Variants in DCC observed in about 807,000 individuals in gnomAD.
The protein encoded by DCC is netrin receptor DCC.
DCC carries 58 observed loss-of-function variants against 172.5 expected under a neutral mutation model. The observed-to-expected ratio is 0.34, with a 90% CI of 0.27 to 0.42. The LOEUF is 0.42. DCC is among the 10% of genes least tolerant of loss of function. The pLI is 1.00. For synonymous variants in DCC, 709 were observed against 644.5 expected, an observed-to-expected ratio of 1.10 and a Z score of -1.52; for missense variants, 1,740 against 1,791.0, an observed-to-expected ratio of 0.97 and a Z score of 0.51.
chr18:52,394,870 G>C (rs1192062815), intron 1 of DCC, among the ~76,000 whole-genome samples: 1 of 152,052 alleles, frequency 6.6e-6, no homozygotes, highest in Non-Finnish European at 1.5e-5. Flanking sequence ...TGCAAGGAAG[G>C]TTTATCTGAA....
intron 5 of DCC, among the ~76,000 whole-genome samples, chr18:52,963,220 T>A (rs200429954): frequency 1.7e-3 from 252 of 152,064 alleles, no homozygotes; most frequent in African/African-American, 4.4e-3. Flanking sequence ...TAGATTTTTT[T>A]AAAAATTTTT....
chr18:52,890,509 A>T (rs993717634), intron 2 of DCC, among the ~76,000 whole-genome samples: 1 of 152,116 alleles, frequency 6.6e-6, no homozygotes, highest in Non-Finnish European at 1.5e-5. Flanking sequence ...GAAAATATTG[A>T]TGTGTTATGA....
intron 2 of DCC, among the ~76,000 whole-genome samples, chr18:52,842,104 T>A (rs561197449): frequency 6.6e-6 from 1 of 152,300 alleles, no homozygotes; most frequent in South Asian, 2.1e-4. Flanking sequence ...AATCAAATTA[T>A]CAAAACTTAT....
At chr18:52,950,294 G>C (rs542002997) in intron 5 of DCC, among the ~76,000 whole-genome samples, 9 of 152,186 alleles carry the variant, frequency 5.9e-5, no homozygotes, top group South Asian at 4.1e-4. Context: ...TACTCTCTCT[G>C]TGTCTATACA....
intron 1 of DCC, among the ~76,000 whole-genome samples, chr18:52,359,005 A>G (rs560024272): frequency 6.6e-6 from 1 of 152,336 alleles, no homozygotes; most frequent in East Asian, 1.9e-4. Context: ...CATGACAACA[A>G]TTCATTTAAC....
chr18:52,948,392 A>T (rs1015117417), intron 5 of DCC, among the ~76,000 whole-genome samples: 1 of 152,086 alleles, frequency 6.6e-6, no homozygotes, highest in Non-Finnish European at 1.5e-5. Flanking sequence ...ATTATGAATG[A>T]TATTGAACAA....
chr18:52,977,546 C>A (rs2041137719), intron 5 of DCC, among the ~76,000 whole-genome samples: 1 of 152,054 alleles, frequency 6.6e-6, no homozygotes, highest in South Asian at 2.1e-4. Flanking sequence ...CATTCTTGTT[C>A]CTCTGTATGT....
At chr18:53,307,133 C>G (rs1326853734) in intron 13 of DCC, among the ~76,000 whole-genome samples, 2 of 152,006 alleles carry the variant, frequency 1.3e-5, no homozygotes, top group African/African-American at 4.8e-5. Flanking sequence ...GTCTTTTATG[C>G]CTATATAATT....
chr18:53,266,430 G>A (rs1272856894), intron 12 of DCC, among the ~76,000 whole-genome samples: 1 of 152,048 alleles, frequency 6.6e-6, no homozygotes, highest in Non-Finnish European at 1.5e-5. Flanking sequence ...TTCAATGCCT[G>A]GGGTAAAATG....
In DCC at chr18:52,836,054, C is replaced by T. The variant is rs550158961; in HGVS notation, c.413-69990C>T. Reference sequence around the variant, plus strand: ...AAACATGTCCTTCTTCACATGGCAGCAGGAAGGAGGCTAATGAGTGCCCAG... The same window carrying T: ...AAACATGTCCTTCTTCACATGGCAGTAGGAAGGAGGCTAATGAGTGCCCAG... On this transcript the variant is annotated intron_variant, in intron 2 of 28. Coordinates refer to ENST00000442544, the MANE Select transcript of DCC (RefSeq NM_005215.4). Among the ~76,000 whole-genome samples, 446 of 152,224 alleles carry T rather than the reference C, an allele frequency of 2.9e-3. 4 individuals carry two copies. The highest frequency in any genetic ancestry group is 0.02 in the Middle Eastern group (6 of 294).
intron 1 of DCC, among the ~76,000 whole-genome samples, chr18:52,425,734 GA>G (rs1207426493): frequency 6.6e-6 from 1 of 151,948 alleles, no homozygotes; most frequent in Non-Finnish European, 1.5e-5. Context: ...GGGATCCCAG[GA>G]AAAAAAGCAA....
intron 12 of DCC, among the ~76,000 whole-genome samples, chr18:53,234,771 A>G (rs1355722810): frequency 2.0e-5 from 3 of 152,212 alleles, no homozygotes; most frequent in Non-Finnish European, 4.4e-5. Context: ...AGGAACACAC[A>G]TGTGGATTCT....
Position 52,811,855 on chromosome 18 carries a change from T to C in DCC, c.412+59481T>C, listed in dbSNP as rs1238773127. On this transcript the variant is annotated intron_variant, in intron 2 of 28. Coordinates refer to ENST00000442544, the MANE Select transcript of DCC (RefSeq NM_005215.4). ...TCTTTATCGTATCAAATAAAGACATTTGGTAAATCTGAGGAAAGAATGAAA... is the reference window on the plus strand; with the variant it reads ...TCTTTATCGTATCAAATAAAGACATCTGGTAAATCTGAGGAAAGAATGAAA... Among the ~76,000 whole-genome samples, 4 of 152,166 alleles carry C rather than the reference T, an allele frequency of 2.6e-5. 1 individual carries two copies. Among genetic ancestry groups the C allele is most frequent in the East Asian group, 3.8e-4 (2 of 5,204 alleles).
In DCC at chr18:52,521,959, G is replaced by A. The variant is rs186550478; in HGVS notation, c.91+181081G>A. 4.6e-5 allele frequency among the ~76,000 whole-genome samples: 7 copies of A among 152,144 alleles called. No homozygotes were observed. The East Asian group carries it at 9.7e-4, about 21-fold the overall frequency. On this transcript the variant is annotated intron_variant, in intron 1 of 28. Transcript: ENST00000442544. ...GAATAATTTAGGCAAAATCTATCAAGCCTAAAAAAATAATCCTCAATCTTA... is the reference window on the plus strand; with the variant it reads ...GAATAATTTAGGCAAAATCTATCAAACCTAAAAAAATAATCCTCAATCTTA...
intron 1 of DCC, among the ~76,000 whole-genome samples, chr18:52,457,907 G>T (rs1247124423): frequency 1.5e-5 from 1 of 67,790 alleles, no homozygotes; most frequent in Non-Finnish European, 2.5e-5. Flanking sequence ...AAACAAGCAA[G>T]CAAGCAAACA....
chr18:53,229,298 C>T (rs1865461914), intron 12 of DCC, among the ~76,000 whole-genome samples: 1 of 151,994 alleles, frequency 6.6e-6, no homozygotes, highest in African/African-American at 2.4e-5. Context: ...GGTACTGGAG[C>T]CAGGTTGTAC....
intron 27 of DCC, among the ~76,000 whole-genome samples, chr18:53,514,979 A>T (rs1043971646): frequency 6.6e-6 from 1 of 151,142 alleles, no homozygotes; most frequent in Admixed American, 6.6e-5. Flanking sequence ...TACCAAAGCC[A>T]GGCAGAGACA....
At chr18:53,256,657 C>G (rs1226698780) in intron 12 of DCC, among the ~76,000 whole-genome samples, 1 of 152,142 alleles carries the variant, frequency 6.6e-6, no homozygotes, top group Non-Finnish European at 1.5e-5. Context: ...ATGCCTCCAG[C>G]TTTGTTCTTT....
At chr18:52,921,369 T>A (rs2040122357) in intron 3 of DCC, among the ~76,000 whole-genome samples, 1 of 122,030 alleles carries the variant, frequency 8.2e-6, no homozygotes. Context: ...AACCATTTTG[T>A]GTTGCATGAT....
Sources: allele counts gnomAD v4.1 joint callset (sites outside exome capture counted in the v4.1 genomes callset), GRCh38; gene constraint gnomAD v4.1.1; transcripts MANE v1.5; gene names NCBI Gene and HGNC (gene_info 2026-07-23, HGNC 2026-07-21).